The following B3GALT1 variants were observed in gnomAD, a reference collection of about 807,000 sequenced individuals.
B3GALT1 encodes beta-1,3-galactosyltransferase 1.
B3GALT1 carries 10 observed loss-of-function variants against 23.2 expected under a neutral mutation model. The observed-to-expected ratio is 0.43, with a 90% CI of 0.27 to 0.73. B3GALT1 has a LOEUF of 0.73. Among genes scored for constraint, B3GALT1 ranks in the 30% least tolerant of loss-of-function variants. The pLI, the probability that B3GALT1 is intolerant of heterozygous loss-of-function variation, is 0.21. For synonymous variants in B3GALT1, 156 were observed against 141.5 expected (o/e 1.10, Z -0.73); for missense variants, 299 against 405.4 (o/e 0.74, Z 2.25).
intron 2 of B3GALT1, among the ~76,000 whole-genome samples, chr2:167,632,184 T>A (rs928136585): frequency 1.3e-5 from 2 of 151,868 alleles, no homozygotes; most frequent in Non-Finnish European, 2.9e-5. Flanking sequence ...TTTCTTTATC[T>A]AGTCTATCAT....
intron 2 of B3GALT1, among the ~76,000 whole-genome samples, chr2:167,612,689 C>T (rs1685089348): frequency 6.6e-6 from 1 of 151,698 alleles, no homozygotes; most frequent in African/African-American, 2.4e-5. Flanking sequence ...GTGAGCTTTA[C>T]AATGGAATTT....
intron 3 of B3GALT1, among the ~76,000 whole-genome samples, chr2:167,685,441 A>G (rs1574212085): frequency 6.6e-6 from 1 of 152,328 alleles, no homozygotes; most frequent in African/African-American, 2.4e-5. Context: ...ATAGGAAAAC[A>G]AACAAAGTAT....
chr2:167,338,910 A>G (rs958224730), intron 1 of B3GALT1, among the ~76,000 whole-genome samples: 1 of 152,184 alleles, frequency 6.6e-6, no homozygotes, highest in African/African-American at 2.4e-5. Flanking sequence ...TTTAAATTTA[A>G]AAAATGAAAT....
intron 3 of B3GALT1, among the ~76,000 whole-genome samples, chr2:167,672,259 A>G (rs528119211): frequency 2.0e-5 from 3 of 152,120 alleles, no homozygotes; most frequent in Admixed American, 6.5e-5. Context: ...TGTTAGCCCT[A>G]TGAACCATGG....
chr2:167,712,208 G>T (rs2105519336), intron 3 of B3GALT1, among the ~76,000 whole-genome samples: 1 of 152,200 alleles, frequency 6.6e-6, no homozygotes, highest in Non-Finnish European at 1.5e-5. Context: ...AAGGATATAT[G>T]GTCCAGAACC....
chr2:167,568,233 A>C (rs1678757430), intron 2 of B3GALT1, among the ~76,000 whole-genome samples: 1 of 152,070 alleles, frequency 6.6e-6, no homozygotes. Context: ...AGTAATTACC[A>C]ATGAGCATAA....
chr2:167,471,176 G>T (rs541658610), intron 1 of B3GALT1, among the ~76,000 whole-genome samples: 1 of 152,202 alleles, frequency 6.6e-6, no homozygotes, highest in Admixed American at 6.6e-5. Flanking sequence ...AGGCCTGTGG[G>T]AACTCTTATT....
At chr2:167,863,886 G>A (rs1406736418) in intron 4 of B3GALT1, among the ~76,000 whole-genome samples, 1 of 152,002 alleles carries the variant, frequency 6.6e-6, no homozygotes, top group Non-Finnish European at 1.5e-5. Context: ...CTTGCATTCA[G>A]TATTGTCTAA....
At chr2:167,386,544 G>T (rs1257261519) in intron 1 of B3GALT1, among the ~76,000 whole-genome samples, 3 of 152,034 alleles carry the variant, frequency 2.0e-5, no homozygotes. Context: ...ACCAGGTATT[G>T]AAATTTTTTT....
chr2:167,638,130 T>C (rs1685590420), intron 2 of B3GALT1, among the ~76,000 whole-genome samples: 1 of 152,026 alleles, frequency 6.6e-6, no homozygotes. Context: ...AGATCTGCTA[T>C]TGAAGTGAGC....
At chr2:167,807,824 A>G in intron 3 of B3GALT1, among the ~76,000 whole-genome samples, 1 of 152,208 alleles carries the variant, frequency 6.6e-6, no homozygotes, top group East Asian at 1.9e-4. Flanking sequence ...GTAGATATCT[A>G]TTAGGTCTGC....
At chr2:167,524,924 G>A (rs1337338841) in intron 2 of B3GALT1, among the ~76,000 whole-genome samples, 1 of 152,166 alleles carries the variant, frequency 6.6e-6, no homozygotes, top group African/African-American at 2.4e-5. Flanking sequence ...ATTGTAATGG[G>A]TAGACATGCT....
chr2:167,671,558 T>C (rs1308151083), intron 3 of B3GALT1, among the ~76,000 whole-genome samples: 1 of 151,982 alleles, frequency 6.6e-6, no homozygotes, highest in Non-Finnish European at 1.5e-5. Context: ...ACCTAAACAA[T>C]ATGTCAAAGA....
At chr2:167,385,571 T>C (rs1244214386) in intron 1 of B3GALT1, among the ~76,000 whole-genome samples, 1 of 130,592 alleles carries the variant, frequency 7.7e-6, no homozygotes, top group Non-Finnish European at 1.7e-5. Flanking sequence ...TGGGTAGCAA[T>C]GGTAGGAACA....
chr2:167,803,675 G>A (rs932302113), intron 3 of B3GALT1, among the ~76,000 whole-genome samples: 7 of 152,108 alleles, frequency 4.6e-5, no homozygotes, highest in African/African-American at 1.2e-4. Flanking sequence ...TTTCCTGTGC[G>A]TACTTGGCAT....
intron 3 of B3GALT1, among the ~76,000 whole-genome samples, chr2:167,767,087 G>A (rs1401040977): frequency 6.6e-6 from 1 of 152,190 alleles, no homozygotes; most frequent in African/African-American, 2.4e-5. Flanking sequence ...TCCCTGGAAA[G>A]TTCTGCTTTT....
At chr2:167,323,918 T>A (rs1199334516) in intron 1 of B3GALT1, among the ~76,000 whole-genome samples, 1 of 152,068 alleles carries the variant, frequency 6.6e-6, no homozygotes, top group Non-Finnish European at 1.5e-5. Flanking sequence ...AAAGTTATGC[T>A]TTTTGAGTCC....
intron 1 of B3GALT1, among the ~76,000 whole-genome samples, chr2:167,333,423 T>A (rs1412713284): frequency 6.6e-6 from 1 of 152,182 alleles, no homozygotes; most frequent in African/African-American, 2.4e-5. Context: ...TCCCCAGACC[T>A]CTTACTGCCT....
intron 2 of B3GALT1, among the ~76,000 whole-genome samples, chr2:167,597,113 T>C (rs1430749477): frequency 7.1e-6 from 1 of 141,690 alleles, no homozygotes; most frequent in Non-Finnish European, 1.5e-5. Flanking sequence ...TGTTTTTTGT[T>C]TTTGTTTTTT....
Sources: gnomAD v4.1 joint callset for allele counts (sites outside exome capture counted in the v4.1 genomes callset) on GRCh38, gnomAD v4.1.1 for gene constraint, MANE v1.5 for transcripts, NCBI Gene and HGNC (gene_info 2026-07-23, HGNC 2026-07-21) for gene names.